The following ABTB3 variants were observed in gnomAD, a reference collection of about 807,000 sequenced individuals.
The protein encoded by ABTB3 is ankyrin repeat and BTB domain containing 3, also known as ankyrin repeat- and BTB/POZ domain-containing protein 3.
At chr12:107,487,478 T>A in the ABTB3 span, among the ~76,000 whole-genome samples, 1 of 152,118 alleles carries the variant, frequency 6.6e-6, no homozygotes, top group East Asian at 1.9e-4. Flanking sequence ...CCAGAGTCTA[T>A]TTACCTTGGC....
chr12:107,430,628 A>G, the ABTB3 span, among the ~76,000 whole-genome samples: 1 of 152,208 alleles, frequency 6.6e-6, no homozygotes, highest in Non-Finnish European at 1.5e-5. Flanking sequence ...TATTGGCTGT[A>G]CCTTCCAGAA....
At chr12:107,523,270 A>G in the ABTB3 span, among the ~76,000 whole-genome samples, 2 of 152,176 alleles carry the variant, frequency 1.3e-5, no homozygotes, top group Admixed American at 6.5e-5. Context: ...TGGCCACTAG[A>G]GAGCTACTTT....
chr12:107,321,603 C>CCACACACACA, the ABTB3 span, among the ~76,000 whole-genome samples: 97 of 85,468 alleles, frequency 1.1e-3, no homozygotes, highest in African/African-American at 3.9e-3. Context: ...ATCTTCGAGG[C>CCACACACACA]CACACACACA....
chr12:107,367,135 A>G, the ABTB3 span, among the ~76,000 whole-genome samples: 2 of 152,138 alleles, frequency 1.3e-5, no homozygotes, highest in African/African-American at 4.8e-5. Flanking sequence ...TTTGTCCTTT[A>G]TTGGAAGGTG....
At chr12:107,434,224 A>T in the ABTB3 span, among the ~76,000 whole-genome samples, 27 of 152,360 alleles carry the variant, frequency 1.8e-4, 1 homozygote, top group African/African-American at 6.5e-4. Context: ...CAGCTGGGAT[A>T]TGTATACACC....
chr12:107,543,891 A>G, the ABTB3 span: 2 of 1,547,294 alleles, frequency 1.3e-6, no homozygotes, highest in South Asian at 1.2e-5. Context: ...TTCTCTGCCA[A>G]TGTTGGCTTC....
chr12:107,483,781 G>A, the ABTB3 span, among the ~76,000 whole-genome samples: 2 of 152,126 alleles, frequency 1.3e-5, no homozygotes, highest in Non-Finnish European at 2.9e-5. Flanking sequence ...CAAACTCCTG[G>A]GTTCAAGCAG....
At chr12:107,523,861 G>A in the ABTB3 span, among the ~76,000 whole-genome samples, 1 of 152,088 alleles carries the variant, frequency 6.6e-6, no homozygotes, top group South Asian at 2.1e-4. Flanking sequence ...TACCGAGTTG[G>A]GACATAGCTT....
chr12:107,558,479 C>T, the ABTB3 span, among the ~76,000 whole-genome samples: 2 of 152,094 alleles, frequency 1.3e-5, no homozygotes, highest in South Asian at 2.1e-4. Context: ...TTGAGAGTGT[C>T]GGGGAGAAGA....
the ABTB3 span, among the ~76,000 whole-genome samples, chr12:107,648,019 C>G: frequency 6.6e-6 from 1 of 152,116 alleles, no homozygotes; most frequent in Non-Finnish European, 1.5e-5. Flanking sequence ...GTAACCAGTC[C>G]GTAGATTTTG....
the ABTB3 span, among the ~76,000 whole-genome samples, chr12:107,362,404 G>A: frequency 1.3e-5 from 2 of 152,206 alleles, no homozygotes; most frequent in Admixed American, 6.5e-5. Flanking sequence ...CAGGGAAGAC[G>A]TAAGGGGCTA....
At chr12:107,637,779 A>G in the ABTB3 span, among the ~76,000 whole-genome samples, 40,754 of 142,244 alleles carry the variant, frequency 0.29, 6,915 homozygotes, top group African/African-American at 0.49. Flanking sequence ...ATCGGAGAGC[A>G]CTGATTTTGT....
chr12:107,390,945 G>A, the ABTB3 span, among the ~76,000 whole-genome samples: 1 of 152,174 alleles, frequency 6.6e-6, no homozygotes, highest in Non-Finnish European at 1.5e-5. Context: ...GAGGTCAGGA[G>A]TTTGAGACTA....
the ABTB3 span, among the ~76,000 whole-genome samples, chr12:107,427,415 G>A: frequency 6.6e-6 from 1 of 152,060 alleles, no homozygotes; most frequent in Non-Finnish European, 1.5e-5. Context: ...CCGAGTAGTT[G>A]GGACAACAGA....
At chr12:107,600,289 G>A in the ABTB3 span, among the ~76,000 whole-genome samples, 1 of 152,268 alleles carries the variant, frequency 6.6e-6, no homozygotes, top group African/African-American at 2.4e-5. Context: ...TTTTTCTTCT[G>A]TAAAATGAGC....
the ABTB3 span, among the ~76,000 whole-genome samples, chr12:107,516,057 G>A: frequency 6.4e-5 from 4 of 62,488 alleles, no homozygotes; most frequent in South Asian, 9.1e-4. Context: ...GTGTGTGTGC[G>A]CACACACACA....
chr12:107,342,161 G>A, the ABTB3 span, among the ~76,000 whole-genome samples: 1 of 152,098 alleles, frequency 6.6e-6, no homozygotes, highest in Non-Finnish European at 1.5e-5. Context: ...CTAAGCCACT[G>A]TGATCCTGTG....
the ABTB3 span, among the ~76,000 whole-genome samples, chr12:107,578,594 G>T: frequency 6.6e-6 from 1 of 151,926 alleles, no homozygotes; most frequent in Non-Finnish European, 1.5e-5. Context: ...AGGCGCCTCT[G>T]AAACTTAACC....
At chr12:107,581,399 G>T in the ABTB3 span, 1 of 1,090,296 alleles carries the variant, frequency 9.2e-7, no homozygotes, top group Non-Finnish European at 1.2e-6. Flanking sequence ...GGCGGCCTGA[G>T]CCCCGCACAC....
Sources: gnomAD v4.1 joint callset for allele counts (sites outside exome capture counted in the v4.1 genomes callset) on GRCh38, gnomAD v4.1.1 for gene constraint, MANE v1.5 for transcripts, NCBI Gene and HGNC (gene_info 2026-07-23, HGNC 2026-07-21) for gene names.